PPP6C: variants seen among roughly 807,000 people sequenced by gnomAD.
The protein encoded by PPP6C is protein phosphatase 6 catalytic subunit, also known as serine/threonine-protein phosphatase 6 catalytic subunit.
PPP6C carries 11 observed loss-of-function variants against 39.8 expected under a neutral mutation model. The observed-to-expected ratio is 0.28, with a 90% CI of 0.17 to 0.46. PPP6C has a LOEUF of 0.46. Among genes scored for constraint, PPP6C ranks in the 20% least tolerant of loss-of-function variants. PPP6C has a pLI of 1.00. For synonymous variants in PPP6C, 129 were observed against 130.3 expected (o/e 0.99, Z 0.07); for missense variants, 211 against 373.9 (o/e 0.56, Z 3.59).
intron 3 of PPP6C, 41 bp from the exon 4 acceptor site, chr9:125,158,423 C>T: frequency 6.4e-7 from 1 of 1,570,748 alleles, no homozygotes; most frequent in Non-Finnish European, 8.7e-7. Flanking sequence ...ATACAATAGC[C>T]ACAATATTCT....
chr9:125,167,389 A>AAAAAAAAAAAG (rs1829042378), intron 2 of PPP6C, among the ~76,000 whole-genome samples: 15 of 138,048 alleles, frequency 1.1e-4, no homozygotes, highest in African/African-American at 4.1e-4. Context: ...CAAAAAAAAA[A>AAAAAAAAAAAG]AAAAAAAAAA....
intron 1 of PPP6C, among the ~76,000 whole-genome samples, chr9:125,175,820 T>C (rs1829286151): frequency 6.6e-6 from 1 of 152,186 alleles, no homozygotes; most frequent in Non-Finnish European, 1.5e-5. Flanking sequence ...GTGCCTGGTA[T>C]GTTACCAGGT....
chr9:125,160,000 CAG>C (rs202207577), intron 3 of PPP6C, among the ~76,000 whole-genome samples: 1,936 of 150,808 alleles, frequency 0.013, 98 homozygotes, highest in Admixed American at 0.082. Flanking sequence ...AGCCTGGCAA[CAG>C]AGAGAGACTC....
intron 3 of PPP6C, 112 bp from the exon 4 acceptor site, chr9:125,158,494 C>T: frequency 1.9e-6 from 2 of 1,071,450 alleles, no homozygotes; most frequent in Non-Finnish European, 2.5e-6. Context: ...GAGTTACATA[C>T]TGAATTATTT....
At position 125,189,770 on chromosome 9, in the gene PPP6C, C is replaced by G. The variant is rs369907858; in HGVS notation, c.-52G>C. The G allele has an allele frequency of 1.5e-5, 23 of 1,535,914 alleles. No individual in the cohort carries two copies. Among genetic ancestry groups the G allele is most frequent in the Non-Finnish European group, 2.0e-5 (23 of 1,142,180 alleles). ...GCGGCGGCGGCGGCTGTAGCAGCGG[C>G]GGCGGCAGCGGCGGAGGCCGAAGCC... On this transcript the variant is annotated 5_prime_UTR_variant, in exon 1 of 7. Coordinates refer to ENST00000373547, the MANE Select transcript of PPP6C (RefSeq NM_002721.5).
At chr9:125,151,465 G>A in intron 6 of PPP6C, 1 of 798,290 alleles carries the variant, frequency 1.3e-6, no homozygotes. Context: ...ACATACCCCA[G>A]GAGGACAAGA....
At chr9:125,172,058 T>A (rs146360726) in intron 1 of PPP6C, 19 of 436,620 alleles carry the variant, frequency 4.4e-5, no homozygotes, top group Non-Finnish European at 8.4e-5. Flanking sequence ...TTTTGGTACA[T>A]CCACACCATG....
intron 1 of PPP6C, among the ~76,000 whole-genome samples, chr9:125,187,167 G>C (rs1041400614): frequency 4.6e-5 from 7 of 151,466 alleles, no homozygotes; most frequent in African/African-American, 1.7e-4. Context: ...GGCTGGTCTC[G>C]AGCTCCTGAC....
rs1829628555 is a variant in PPP6C, at chr9:125,189,758, C to T, written c.-40G>A. Reference sequence around the variant, plus strand: ...GCCGCGGCAACAGCGGCGGCGGCGGCTGTAGCAGCGGCGGCGGCAGCGGCG... The same window carrying T: ...GCCGCGGCAACAGCGGCGGCGGCGGTTGTAGCAGCGGCGGCGGCAGCGGCG... On this transcript the variant is annotated 5_prime_UTR_variant, in exon 1 of 7. Coordinates refer to ENST00000373547, the MANE Select transcript of PPP6C (RefSeq NM_002721.5). 1 of 1,547,230 alleles carries T rather than the reference C, an allele frequency of 6.5e-7. No homozygotes were observed.
At chr9:125,185,650 T>A (rs1028178933) in intron 1 of PPP6C, among the ~76,000 whole-genome samples, 1 of 141,470 alleles carries the variant, frequency 7.1e-6, no homozygotes, top group African/African-American at 2.7e-5. Flanking sequence ...GCTGAGAACG[T>A]GCACCTGCAC....
At chr9:125,168,682 C>G (rs999021363) in intron 2 of PPP6C, among the ~76,000 whole-genome samples, 6 of 151,854 alleles carry the variant, frequency 4.0e-5, no homozygotes, top group African/African-American at 1.2e-4. Flanking sequence ...TGGTCTCGAT[C>G]TCTTGCCCTC....
intron 1 of PPP6C, among the ~76,000 whole-genome samples, chr9:125,177,192 A>C (rs360005): frequency 6.6e-6 from 1 of 151,506 alleles, no homozygotes; most frequent in Non-Finnish European, 1.5e-5. Flanking sequence ...GGCTAACACA[A>C]TGAAACCCCA....
intron 1 of PPP6C, among the ~76,000 whole-genome samples, chr9:125,175,630 G>A (rs1174289037): frequency 5.0e-5 from 7 of 140,006 alleles, no homozygotes; most frequent in Non-Finnish European, 9.1e-5. Flanking sequence ...TCGACACAGC[G>A]AGACTCCGTC....
In PPP6C at chr9:125,166,713, T is replaced by C. The variant is rs117834544; in HGVS notation, c.171+4372A>G. Among the ~76,000 whole-genome samples the C allele has an allele frequency of 5.6e-4, 85 of 152,094 alleles. 1 individual carries two copies. The East Asian group carries it at 0.014, about 25-fold the overall frequency. Reference sequence around the variant, plus strand: ...ACACCTGGCAATTTTTTATATTTTTTAGTAAAGATGGGGTTTTGCCATGTT... The same window carrying C: ...ACACCTGGCAATTTTTTATATTTTTCAGTAAAGATGGGGTTTTGCCATGTT... On this transcript the variant is annotated intron_variant, in intron 2 of 6. Coordinates refer to ENST00000373547, the MANE Select transcript of PPP6C (RefSeq NM_002721.5).
At position 125,171,139 on chromosome 9, in the gene PPP6C, T is replaced by C; in HGVS notation, c.117A>G (p.Ser39=). ...DYVCDLLLEE[S]NVQPVSTPVT... ...CTGGTGTTGATACTGGCTGAACATT[T>C]GACTCTTCTAAGAGGAGGTCACAAA... The change falls in exon 2 of 7, where the codon TCA becomes TCG. Residue 39 remains serine, a synonymous_variant. Coordinates refer to ENST00000373547, the MANE Select transcript of PPP6C (RefSeq NM_002721.5). The C allele has an allele frequency of 6.2e-6, 10 of 1,605,946 alleles. No individual in the cohort carries two copies. Among genetic ancestry groups the C allele is most frequent in the Non-Finnish European group, 8.5e-6 (10 of 1,174,438 alleles).
At chr9:125,171,947 T>C (rs1829179761) in intron 1 of PPP6C, 1 of 467,564 alleles carries the variant, frequency 2.1e-6, no homozygotes, top group Non-Finnish European at 4.4e-6. Context: ...AATAAAAACA[T>C]GTTCAAAATC....
chr9:125,164,220 T>C (rs1167654518), intron 2 of PPP6C, among the ~76,000 whole-genome samples: 1 of 110,956 alleles, frequency 9.0e-6, no homozygotes, highest in East Asian at 2.7e-4. Flanking sequence ...CTCACTCTCT[T>C]TTTTTTTTTT....
chr9:125,179,652 TCTC>T (rs1349742412), intron 1 of PPP6C, among the ~76,000 whole-genome samples: 14 of 141,708 alleles, frequency 9.9e-5, no homozygotes, highest in Non-Finnish European at 1.4e-4. Context: ...CTTTTCTCTC[TCTC>T]TTTTTTTTTT....
chr9:125,182,383 T>G (rs1001680708), intron 1 of PPP6C, among the ~76,000 whole-genome samples: 2 of 152,162 alleles, frequency 1.3e-5, no homozygotes, highest in African/African-American at 4.8e-5. Flanking sequence ...GGCTCACACC[T>G]GTAAAATGAG....
Sources: gnomAD v4.1 joint callset for allele counts (sites outside exome capture counted in the v4.1 genomes callset) on GRCh38, gnomAD v4.1.1 for gene constraint, MANE v1.5 for transcripts, NCBI Gene and HGNC (gene_info 2026-07-23, HGNC 2026-07-21) for gene names.